The following ALMS1 variants were observed in gnomAD, a reference collection of about 807,000 sequenced individuals.
ALMS1 encodes the protein centrosome-associated protein ALMS1.
Under a neutral mutation model 352.2 loss-of-function variants are expected in ALMS1, and 271 were observed. The observed-to-expected ratio is 0.77, with a 90% CI of 0.70 to 0.85. ALMS1 has a LOEUF of 0.85. Among genes scored for constraint, ALMS1 ranks in the 40% least tolerant of loss-of-function variants. The probability of loss-of-function intolerance (pLI) is 0.00; values close to 1 mark genes in which losing one functional copy is unlikely to be tolerated. For synonymous variants in ALMS1, 1,865 were observed against 1,761.2 expected, an observed-to-expected ratio of 1.06 and a Z score of -1.48; for missense variants, 5,445 against 4,870.7, an observed-to-expected ratio of 1.12 and a Z score of -3.51.
intron 9 of ALMS1, among the ~76,000 whole-genome samples, chr2:73,465,825 G>C (rs1038306326): frequency 6.6e-6 from 1 of 152,086 alleles, no homozygotes; most frequent in African/African-American, 2.4e-5. Flanking sequence ...GTGGGTGAAG[G>C]ATATGAACAG....
chr2:73,567,856 T>C (rs536228627), intron 15 of ALMS1, among the ~76,000 whole-genome samples: 1 of 152,286 alleles, frequency 6.6e-6, no homozygotes, highest in East Asian at 1.9e-4. Flanking sequence ...AATCTTGGAG[T>C]CATAAAGCCA....
At chr2:73,441,258 A>G (rs1671713281) in intron 7 of ALMS1, among the ~76,000 whole-genome samples, 1 of 152,174 alleles carries the variant, frequency 6.6e-6, no homozygotes, top group African/African-American at 2.4e-5. Context: ...GGGTTTCTCA[A>G]TGCTGGTGGA....
Position 73,448,256 on chromosome 2 carries a change from C to G in ALMS1, c.1729C>G (p.His577Asp), listed in dbSNP as rs1671847160. The G allele has an allele frequency of 1.2e-6, 2 of 1,613,926 alleles. No homozygotes were observed. Among genetic ancestry groups the G allele is most frequent in the South Asian group, 2.2e-5 (2 of 91,080 alleles). Residue 577 changes from histidine (H) to aspartate (D), a missense_variant, in exon 8 of 23, where the codon CAT becomes GAT. By Grantham distance (81) the His-to-Asp change is moderately conservative (BLOSUM62 -1). Coordinates refer to ENST00000613296, the MANE Select transcript of ALMS1 (RefSeq NM_001378454.1). ...TPTVLSSSHS[H>D]RGKPSIFYQQ... ...AACAGTACTCTCTAGTTCCCACTCA[C>G]ATAGGGGGAAGCCCAGCATTTTCTA...
intron 15 of ALMS1, among the ~76,000 whole-genome samples, chr2:73,568,764 ATAAATGAAAAGCAG>A (rs1320709789): frequency 1.3e-5 from 2 of 152,180 alleles, no homozygotes; most frequent in Non-Finnish European, 2.9e-5. Flanking sequence ...ATATTTAAAA[ATAAATGAAAAGCAG>A]TAAATGATAT....
In ALMS1 at chr2:73,602,221, C is replaced by T. The variant is rs201874056; in HGVS notation, c.12151C>T (p.Arg4051Cys). The T allele has an allele frequency of 9.0e-5, 145 of 1,613,964 alleles. No homozygotes were observed. The highest frequency in any genetic ancestry group is 3.2e-4 in the Admixed American group (19 of 60,006). The part of the protein sequence containing the change: ...LQFHRPDFIS[R>C]SGERIKRLKL... ...GTTTCACAGACCTGACTTCATCTCC[C>T]GCTCTGGGGAGCGGATAAAGCGCCT... Residue 4051 changes from arginine to cysteine, a missense_variant, in exon 20 of 23, where the codon CGC becomes TGC. Physicochemically the swap from Arg to Cys is radical, Grantham distance 180. Coordinates refer to ENST00000613296, the MANE Select transcript of ALMS1 (RefSeq NM_001378454.1).
intron 9 of ALMS1, among the ~76,000 whole-genome samples, chr2:73,465,009 G>A (rs2103824781): frequency 6.7e-6 from 1 of 148,854 alleles, no homozygotes; most frequent in Non-Finnish European, 1.5e-5. Context: ...TCGTGAAAAT[G>A]GCCATACTGC....
intron 11 of ALMS1, among the ~76,000 whole-genome samples, chr2:73,530,241 C>G (rs950185830): frequency 1.3e-5 from 2 of 152,188 alleles, no homozygotes; most frequent in Admixed American, 1.3e-4. Flanking sequence ...AAATAAAAAA[C>G]AAGTTAGTTA....
chr2:73,421,541 C>A (rs189029480), intron 3 of ALMS1, among the ~76,000 whole-genome samples: 2 of 152,200 alleles, frequency 1.3e-5, no homozygotes, highest in Admixed American at 6.5e-5. Context: ...TGTTACATAT[C>A]AGTTTTTCAT....
At chr2:73,602,766 C>G (rs1675727601) in intron 20 of ALMS1, among the ~76,000 whole-genome samples, 1 of 152,206 alleles carries the variant, frequency 6.6e-6, no homozygotes, top group Non-Finnish European at 1.5e-5. Flanking sequence ...GCGCTTACAG[C>G]ACTCTCAGTA....
chr2:73,424,447 C>G lies in ALMS1; in HGVS notation c.782C>G (p.Ser261Cys), dbSNP rs1671339296. Residue 261 changes from serine (S) to cysteine (C), a missense_variant, in exon 5 of 23, where the codon TCT (serine) becomes TGT (cysteine). Coordinates refer to ENST00000613296, the MANE Select transcript of ALMS1 (RefSeq NM_001378454.1). ...ATTTTCAGGGGAATTCCTGATAAGT[C>G]TGAAGATACTGAATGGTCTTCTCGA... is the stretch of plus-strand genomic sequence containing the variant. ...FAPLRGIPDK[S>C]EDTEWSSRPS... 3 of 1,587,968 alleles carry G rather than the reference C, an allele frequency of 1.9e-6. No homozygotes were observed. The highest frequency in any genetic ancestry group is 1.4e-5 in the African/African-American group (1 of 73,756).
chr2:73,472,430 G>A (rs1346121200), intron 9 of ALMS1, among the ~76,000 whole-genome samples: 1 of 151,966 alleles, frequency 6.6e-6, no homozygotes, highest in Admixed American at 6.6e-5. Flanking sequence ...ATATGTATTT[G>A]AAATTTGCAA....
At chr2:73,430,278 G>A (rs1437782179) in intron 6 of ALMS1, among the ~76,000 whole-genome samples, 3 of 151,886 alleles carry the variant, frequency 2.0e-5, no homozygotes, top group East Asian at 1.9e-4. Context: ...GGGTTTCACC[G>A]TGTTAGCCAG....
intron 16 of ALMS1, among the ~76,000 whole-genome samples, chr2:73,594,776 C>T (rs1675510286): frequency 6.6e-6 from 1 of 152,232 alleles, no homozygotes; most frequent in South Asian, 2.1e-4. Flanking sequence ...GGACCCCCAC[C>T]TCCTTTCCTG....
intron 9 of ALMS1, among the ~76,000 whole-genome samples, chr2:73,457,661 T>C (rs1438566925): frequency 6.6e-6 from 1 of 152,202 alleles, no homozygotes; most frequent in Non-Finnish European, 1.5e-5. Flanking sequence ...CTTTCAGCTT[T>C]GTGCCATTTA....
At chr2:73,588,452 C>T (rs779829727) in intron 16 of ALMS1, among the ~76,000 whole-genome samples, 3 of 152,060 alleles carry the variant, frequency 2.0e-5, no homozygotes, top group East Asian at 1.9e-4. Context: ...ACTCTTTCCT[C>T]CCCCACCCTT....
chr2:73,592,898 G>A (rs890803275), intron 16 of ALMS1, among the ~76,000 whole-genome samples: 1 of 152,182 alleles, frequency 6.6e-6, no homozygotes, highest in African/African-American at 2.4e-5. Flanking sequence ...GTATAAGACA[G>A]CAACAGGTGA....
At chr2:73,511,571 G>A (rs1046759143) in intron 10 of ALMS1, among the ~76,000 whole-genome samples, 8 of 152,070 alleles carry the variant, frequency 5.3e-5, no homozygotes, top group Admixed American at 1.3e-4. Flanking sequence ...TGCCTTCTGC[G>A]TTGGTCTTGC....
At chr2:73,561,101 C>T (rs1674652355) in intron 15 of ALMS1, among the ~76,000 whole-genome samples, 1 of 152,224 alleles carries the variant, frequency 6.6e-6, no homozygotes, top group African/African-American at 2.4e-5. Flanking sequence ...CTCAGGATTG[C>T]ACATAACCGT....
intron 10 of ALMS1, among the ~76,000 whole-genome samples, chr2:73,495,293 G>A (rs1235426840): frequency 6.6e-6 from 1 of 152,032 alleles, no homozygotes; most frequent in Middle Eastern, 3.2e-3. Context: ...GGAGTGCAGT[G>A]GCGTGATCTT....
Sources: allele counts gnomAD v4.1 joint callset (sites outside exome capture counted in the v4.1 genomes callset), GRCh38; gene constraint gnomAD v4.1.1; transcripts MANE v1.5; gene names NCBI Gene and HGNC (gene_info 2026-07-23, HGNC 2026-07-21).